Variants in SLC6A16 observed in about 807,000 individuals in gnomAD.
SLC6A16 encodes orphan sodium- and chloride-dependent neurotransmitter transporter NTT5.
A neutral mutation model predicts 65.4 loss-of-function variants in SLC6A16; 54 were observed. The ratio of observed to expected loss-of-function variants is 0.83; its 90% CI spans 0.66 to 1.04. The LOEUF is 1.04. SLC6A16 is among the 50% of genes least tolerant of loss of function. The pLI, the probability that SLC6A16 is intolerant of heterozygous loss-of-function variation, is 0.00. For missense variants in SLC6A16, 816 were observed against 914.0 expected (o/e 0.89, Z 1.38); for synonymous variants, 330 against 346.5 (o/e 0.95, Z 0.53).
At chr19:49,311,796 C>G (rs1970528474) in intron 1 of SLC6A16, among the ~76,000 whole-genome samples, 1 of 150,300 alleles carries the variant, frequency 6.7e-6, no homozygotes, top group African/African-American at 2.5e-5. Context: ...TTGCAGTGAG[C>G]CGAGATCAGG....
chr19:49,314,771 C>T (rs75918905), intron 1 of SLC6A16, among the ~76,000 whole-genome samples: 3,411 of 152,150 alleles, frequency 0.022, 126 homozygotes, highest in African/African-American at 0.071. Context: ...AAACTCCAAT[C>T]GTGAGGAAAC....
chr19:49,339,257 C>T, the SLC6A16 span: 2 of 1,371,248 alleles, frequency 1.5e-6, no homozygotes, highest in South Asian at 1.2e-5. This position sits in a 1 kb window ranked among gnomAD's most constrained non-coding sequence, Gnocchi z 4.5. Flanking sequence ...TGAGGGTTGG[C>T]CTGAAAAGAA....
In SLC6A16 at chr19:49,311,407, G is replaced by A; in HGVS notation, c.-60C>T. ...GCAAGGGAGGGTTCATCTTCCTGAG[G>A]AGACCTGAAGGACACCAAAATCTGT... On this transcript the variant is annotated 5_prime_UTR_variant, in exon 2 of 12. Transcript: ENST00000335875. 1 of 1,506,930 alleles carries A rather than the reference G, an allele frequency of 6.6e-7. No individual in the cohort carries two copies. The highest frequency in any genetic ancestry group is 8.9e-7 in the Non-Finnish European group (1 of 1,128,042). 93.3% of individuals were successfully genotyped at this position (1,506,930 alleles called of 1,614,324 possible).
At chr19:49,322,346 T>C (rs1383599494) in intron 1 of SLC6A16, among the ~76,000 whole-genome samples, 1 of 151,994 alleles carries the variant, frequency 6.6e-6, no homozygotes, top group Non-Finnish European at 1.5e-5. Context: ...ATAAAATACT[T>C]AAGAATTAAC....
At chr19:49,294,288 T>C (rs981326093) in intron 8 of SLC6A16, 79 bp downstream of exon 8, 2 of 1,383,680 alleles carry the variant, frequency 1.4e-6, no homozygotes, top group African/African-American at 2.9e-5. Flanking sequence ...TTTTTGCTGG[T>C]GCTAATAAAA....
upstream of SLC6A16, among the ~76,000 whole-genome samples, chr19:49,326,177 A>G (rs1457394418): frequency 3.3e-5 from 5 of 152,110 alleles, no homozygotes; most frequent in Non-Finnish European, 7.4e-5. Flanking sequence ...CTCAAAAAAA[A>G]AAAGGAAAAA....
Position 49,314,265 on chromosome 19 carries a change from A to C in SLC6A16, c.-64-2854T>G, listed in dbSNP as rs80065565. Among the ~76,000 whole-genome samples the C allele has an allele frequency of 7.3e-3, 1,108 of 152,308 alleles. 17 individuals are homozygous for C. Among genetic ancestry groups the C allele is most frequent in the African/African-American group, 0.025 (1,045 of 41,566 alleles). On this transcript the variant is annotated intron_variant, in intron 1 of 11. Transcript: ENST00000335875. ...AAATAAAGAATAGTAACAGATGAGA[A>C]CCAACAGACTAAAACAAGAATCCAT...
the SLC6A16 span, chr19:49,339,724 G>A: frequency 1.9e-5 from 27 of 1,400,748 alleles, no homozygotes; most frequent in Non-Finnish European, 2.1e-5. The surrounding 1 kb of genome is among the most constrained non-coding windows in gnomAD (Gnocchi z 4.5). Flanking sequence ...CGAGCCGCAC[G>A]TGCCGGGCGC....
At chr19:49,302,133 C>A (rs970419373) in intron 7 of SLC6A16, among the ~76,000 whole-genome samples, 4 of 152,236 alleles carry the variant, frequency 2.6e-5, no homozygotes, top group African/African-American at 7.2e-5. Context: ...AACCCCAGCC[C>A]CTGCCTCTGA....
intron 7 of SLC6A16, among the ~76,000 whole-genome samples, chr19:49,297,419 G>A (rs1479821057): frequency 1.3e-5 from 2 of 152,158 alleles, no homozygotes; most frequent in African/African-American, 4.8e-5. Flanking sequence ...TAAAAAGCCT[G>A]ATGTCATCAA....
rs776351797 is a variant in SLC6A16, at chr19:49,294,517, C to T, written c.1266G>A (p.Gly422=). ...AEILLKLINL[G]KLPPDAKPPV... is the part of the protein sequence containing the mutation. ...GGGGCTTGGCATCAGGAGGCAGTTT[C>T]CCTAGGTTTATCAGCTTTAAAAGTA... Residue 422 remains glycine, a synonymous_variant, in exon 8 of 12, where the codon GGG becomes GGA. Transcript: ENST00000335875. 15 of 1,613,162 alleles carry T rather than the reference C, an allele frequency of 9.3e-6. No homozygotes were observed. Among genetic ancestry groups the T allele is most frequent in the African/African-American group, 4.0e-5 (3 of 74,832 alleles).
chr19:49,321,160 T>C (rs1018529870), intron 1 of SLC6A16, among the ~76,000 whole-genome samples: 5 of 152,132 alleles, frequency 3.3e-5, no homozygotes, highest in African/African-American at 1.2e-4. Flanking sequence ...AAGGATTATA[T>C]ACCATGACCA....
rs926097421 is a variant in SLC6A16 at position 49,311,381 on chromosome 19, T to G, written c.-34A>C. 5 of 1,525,726 alleles carry G rather than the reference T, an allele frequency of 3.3e-6. No homozygotes were observed. In the East Asian group the frequency reaches 1.1e-4, roughly 35 times the overall value. 94.5% of individuals were successfully genotyped at this position (1,525,726 alleles called of 1,614,324 possible). A position where few individuals can be genotyped will look rare whatever the true frequency, so the allele number is the denominator to read the frequency against. On this transcript the variant is annotated 5_prime_UTR_variant, in exon 2 of 12. Transcript: ENST00000335875. ...GACTCTCTGGGGCAGCTCCCGCTTC[T>G]GCAAGGGAGGGTTCATCTTCCTGAG...
chr19:49,339,135 A>C, the SLC6A16 span, among the ~76,000 whole-genome samples: 3 of 151,996 alleles, frequency 2.0e-5, no homozygotes, highest in African/African-American at 7.3e-5. This position sits in a 1 kb window ranked among gnomAD's most constrained non-coding sequence, Gnocchi z 4.5. Flanking sequence ...CTGGCTCTGG[A>C]ATACAGATGT....
Position 49,310,471 on chromosome 19 carries a change from A to G in SLC6A16, c.455T>C (p.Val152Ala). The G allele has an allele frequency of 6.2e-7, 1 of 1,614,140 alleles. No homozygotes were observed. The highest frequency in any genetic ancestry group is 1.1e-5 in the South Asian group (1 of 91,078). ...AAIYIFMLFL[V>A]GVPLLFLEMA... ...CTCCAGGAAGAGAAGAGGAACCCCGACCAGGAACAGCATGAAGATGTAGAT... is the reference window on the plus strand; with the variant it reads ...CTCCAGGAAGAGAAGAGGAACCCCGGCCAGGAACAGCATGAAGATGTAGAT... The change falls in exon 3 of 12, where the codon GTC (valine) becomes GCC (alanine). Residue 152 changes from valine (V) to alanine (A), a missense_variant. Transcript: ENST00000335875.
intron 1 of SLC6A16, among the ~76,000 whole-genome samples, chr19:49,320,438 C>A (rs989502918): frequency 3.2e-4 from 44 of 138,752 alleles, no homozygotes; most frequent in East Asian, 4.4e-4. Context: ...CAAAAAAAAA[C>A]CAGATCTTGA....
At chr19:49,312,360 T>C (rs765513676) in intron 1 of SLC6A16, among the ~76,000 whole-genome samples, 2 of 152,216 alleles carry the variant, frequency 1.3e-5, no homozygotes, top group African/African-American at 2.4e-5. Flanking sequence ...ATGCCTTCCC[T>C]GTCCACCTAT....
At chr19:49,335,689 C>T in the SLC6A16 span, 6 of 1,613,516 alleles carry the variant, frequency 3.7e-6, no homozygotes, top group Non-Finnish European at 5.1e-6. This position sits in a 1 kb window ranked among gnomAD's most constrained non-coding sequence, Gnocchi z 4.6. Flanking sequence ...TGGCCCACCC[C>T]CGTATCCGCA....
At chr19:49,340,145 C>A in the SLC6A16 span, 1 of 1,515,540 alleles carries the variant, frequency 6.6e-7, no homozygotes, top group South Asian at 1.1e-5. Context: ...AGCCCCTTCC[C>A]GCCCAATTCA....
Sources: gnomAD v4.1 joint callset for allele counts (sites outside exome capture counted in the v4.1 genomes callset) on GRCh38, gnomAD v4.1.1 for gene constraint, Gnocchi (gnomAD v3.1) non-coding constraint, MANE v1.5 for transcripts, NCBI Gene and HGNC (gene_info 2026-07-23, HGNC 2026-07-21) for gene names.